Variants in AAK1 observed in about 807,000 individuals in gnomAD.
The protein encoded by AAK1 is AP2 associated kinase 1.
Under a neutral mutation model 116.0 loss-of-function variants are expected in AAK1, and 37 were observed. The ratio of observed to expected loss-of-function variants is 0.32; its 90% CI spans 0.25 to 0.42. The LOEUF is 0.42. Among genes scored for constraint, AAK1 ranks in the 10% least tolerant of loss-of-function variants. AAK1 has a pLI of 1.00. For synonymous variants in AAK1, 458 were observed against 439.9 expected (o/e 1.04, Z -0.51); for missense variants, 919 against 1,170.6 (o/e 0.79, Z 3.14).
rs1674350140 is a variant in AAK1, at chr2:69,461,842, TC to T, written c.*14026del. Reference sequence around the variant, plus strand: ...CCTACCCTCAAGTGATCCACCCACCTCGGCCTCCCAAAGTGCTGGGATTACA... The same window carrying T: ...CCTACCCTCAAGTGATCCACCCACCTGGCCTCCCAAAGTGCTGGGATTACA... On this transcript the variant is annotated 3_prime_UTR_variant, in exon 22 of 22. Coordinates refer to ENST00000409085, the MANE Select transcript of AAK1 (RefSeq NM_014911.5). 1 of 234,286 alleles carries T rather than the reference TC, an allele frequency of 4.3e-6. No homozygotes were observed. Among genetic ancestry groups the T allele is most frequent in the Non-Finnish European group, 8.7e-6 (1 of 115,414 alleles). 14.5% of individuals were successfully genotyped at this position (234,286 alleles called of 1,614,324 possible). A position where few individuals can be genotyped will look rare whatever the true frequency, so the allele number is the denominator to read the frequency against.
chr2:69,483,056 G>A (rs548238720), intron 17 of AAK1, among the ~76,000 whole-genome samples: 5 of 152,186 alleles, frequency 3.3e-5, no homozygotes, highest in East Asian at 1.9e-4. Context: ...TCCTGGGTGC[G>A]TCTGCTTGTT....
At chr2:69,568,112 C>T (rs1019490680) in intron 2 of AAK1, among the ~76,000 whole-genome samples, 2 of 152,196 alleles carry the variant, frequency 1.3e-5, no homozygotes, top group African/African-American at 4.8e-5. Context: ...ATGCTACAGA[C>T]CTTCAAGCTG....
At chr2:69,612,834 G>C (rs935495581) in intron 2 of AAK1, among the ~76,000 whole-genome samples, 2 of 152,220 alleles carry the variant, frequency 1.3e-5, no homozygotes, top group African/African-American at 4.8e-5. Context: ...CAAAGGCTCT[G>C]TGTCTTCCAC....
intron 16 of AAK1, among the ~76,000 whole-genome samples, chr2:69,497,073 C>G (rs1200399252): frequency 6.6e-6 from 1 of 152,046 alleles, no homozygotes; most frequent in Non-Finnish European, 1.5e-5. Context: ...GAAAATGAAG[C>G]CTAAACGTTA....
At chr2:69,501,221 A>T (rs897350877) in intron 16 of AAK1, among the ~76,000 whole-genome samples, 6 of 152,214 alleles carry the variant, frequency 3.9e-5, no homozygotes, top group African/African-American at 1.4e-4. Context: ...GAACATTTTC[A>T]AATTTCACCA....
intron 2 of AAK1, among the ~76,000 whole-genome samples, chr2:69,595,753 C>T (rs370874985): frequency 6.2e-4 from 94 of 152,322 alleles, no homozygotes; most frequent in African/African-American, 2.3e-3. Context: ...ACAACAGATT[C>T]TCAATGGAGA....
intron 5 of AAK1, among the ~76,000 whole-genome samples, chr2:69,532,833 T>C (rs1670312156): frequency 6.6e-6 from 1 of 152,208 alleles, no homozygotes; most frequent in South Asian, 2.1e-4. Flanking sequence ...TGCCCTAATT[T>C]TTTAAATAAA....
rs563201586 is a variant in AAK1 at position 69,578,729 on chromosome 2, T to C, written c.164-21751A>G. Among the ~76,000 whole-genome samples the C allele has an allele frequency of 1.5e-3, 221 of 152,056 alleles. 2 individuals carry two copies. Among genetic ancestry groups the C allele is most frequent in the Non-Finnish European group, 2.3e-3 (155 of 67,958 alleles). On this transcript the variant is annotated intron_variant, in intron 2 of 21. Coordinates refer to ENST00000409085, the MANE Select transcript of AAK1 (RefSeq NM_014911.5). ...CCTGAAGAAATTGTTCCCTCTCTAC[T>C]GCCTTTCTCCCACCAGTGTTTAAAC...
At position 69,474,832 on chromosome 2, in the gene AAK1, A is replaced by G. The variant is rs1335761816; in HGVS notation, c.*1037T>C. 1 of 985,860 alleles carries G rather than the reference A, an allele frequency of 1.0e-6. No homozygotes were observed. The highest frequency in any genetic ancestry group is 1.2e-6 in the Non-Finnish European group (1 of 829,924). The allele number at this position is 985,860 out of a possible 1,614,324, so 61.1% of individuals were successfully genotyped here. On this transcript the variant is annotated 3_prime_UTR_variant, in exon 22 of 22. Coordinates refer to ENST00000409085, the MANE Select transcript of AAK1 (RefSeq NM_014911.5). ...AATCAAAACCCTGTACAGACACCTG[A>G]TATCAGACTTGAAATGCCAAGTGGA...
chr2:69,642,753 G>C (rs1675797952), intron 2 of AAK1, 125 bp downstream of exon 2: 1 of 1,313,388 alleles, frequency 7.6e-7, no homozygotes, highest in South Asian at 1.3e-5. Context: ...TGACTCACAG[G>C]GCAAGTGAAG....
intron 2 of AAK1, among the ~76,000 whole-genome samples, chr2:69,629,985 T>C (rs1573024933): frequency 6.6e-6 from 1 of 151,684 alleles, no homozygotes; most frequent in Non-Finnish European, 1.5e-5. Context: ...GGTAGGCGGG[T>C]GGGGAAGGAG....
chr2:69,505,907 T>C (rs1676166770), intron 15 of AAK1, among the ~76,000 whole-genome samples: 2 of 152,204 alleles, frequency 1.3e-5, no homozygotes, highest in South Asian at 4.1e-4. Context: ...TTTTGCAAAA[T>C]GAAAAGCGTT....
At chr2:69,642,355 A>G (rs1320912676) in intron 2 of AAK1, among the ~76,000 whole-genome samples, 1 of 152,190 alleles carries the variant, frequency 6.6e-6, no homozygotes, top group East Asian at 1.9e-4. Flanking sequence ...AAACAAATCT[A>G]CTAGTGAAAT....
chr2:69,474,762 A>G lies in AAK1; in HGVS notation c.*1107T>C. On this transcript the variant is annotated 3_prime_UTR_variant, in exon 22 of 22. Transcript: ENST00000409085. ...ACACAAGTCTATTCAAAATGATTCCATATGTTACACTGTAGGATTGTTGTG... is the reference window on the plus strand; with the variant it reads ...ACACAAGTCTATTCAAAATGATTCCGTATGTTACACTGTAGGATTGTTGTG... 1.0e-6 allele frequency: 1 copy of G among 985,836 alleles called. No individual in the cohort carries two copies. The highest frequency in any genetic ancestry group is 1.2e-6 in the Non-Finnish European group (1 of 829,910). 61.1% of individuals were successfully genotyped at this position (985,836 alleles called of 1,614,324 possible).
chr2:69,550,461 T>G (rs572407309), intron 3 of AAK1, among the ~76,000 whole-genome samples: 2 of 151,248 alleles, frequency 1.3e-5, no homozygotes, highest in African/African-American at 2.4e-5. Context: ...TGCACCACCA[T>G]GCTCAGCTAA....
At chr2:69,481,099 G>C (rs530570359) in intron 18 of AAK1, 138 bp from the exon 19 acceptor site, 2 of 723,296 alleles carry the variant, frequency 2.8e-6, no homozygotes, top group Non-Finnish European at 4.3e-6. Flanking sequence ...GAGCTCAAGC[G>C]ATCTATCCCA....
At position 69,461,517 on chromosome 2, in the gene AAK1, T is replaced by C. The variant is rs66488533; in HGVS notation, c.*14352A>G. The C allele has an allele frequency of 0.12, 26,732 of 214,508 alleles. 2,044 individuals carry two copies. The highest frequency in any genetic ancestry group is 0.14 in the Non-Finnish European group (15,015 of 104,730). 13.3% of individuals were successfully genotyped at this position (214,508 alleles called of 1,614,324 possible). A position where few individuals can be genotyped will look rare whatever the true frequency, so the allele number is the denominator to read the frequency against. Reference sequence around the variant, plus strand: ...GCATCACCAAAAAAAAAAAAAAAAGTAATTTGCATGTGTTTGCATCCGTTT... The same window carrying C: ...GCATCACCAAAAAAAAAAAAAAAAGCAATTTGCATGTGTTTGCATCCGTTT... On this transcript the variant is annotated 3_prime_UTR_variant, in exon 22 of 22. Coordinates refer to ENST00000409085, the MANE Select transcript of AAK1 (RefSeq NM_014911.5).
At chr2:69,544,916 AC>A (rs1049745632) in intron 3 of AAK1, among the ~76,000 whole-genome samples, 1 of 152,150 alleles carries the variant, frequency 6.6e-6, no homozygotes, top group African/African-American at 2.4e-5. Flanking sequence ...AAATATGTGA[AC>A]TTCTAATTAA....
At chr2:69,633,217 T>TAA (rs777301368) in intron 2 of AAK1, among the ~76,000 whole-genome samples, 1 of 91,576 alleles carries the variant, frequency 1.1e-5, no homozygotes, top group African/African-American at 5.1e-5. Context: ...AGACTCTGTT[T>TAA]CAAAAAAAAA....
Sources: gnomAD v4.1 joint callset for allele counts (sites outside exome capture counted in the v4.1 genomes callset) on GRCh38, gnomAD v4.1.1 for gene constraint, MANE v1.5 for transcripts, NCBI Gene and HGNC (gene_info 2026-07-23, HGNC 2026-07-21) for gene names.